Variants in ZNF518A observed in about 807,000 individuals in gnomAD.
ZNF518A encodes the protein zinc finger protein 518.
ZNF518A carries 47 observed loss-of-function variants against 102.7 expected under a neutral mutation model. The ratio of observed to expected loss-of-function variants is 0.46; its 90% CI spans 0.36 to 0.58. The LOEUF (loss-of-function observed/expected upper bound fraction) is 0.58. Ranked by LOEUF, ZNF518A falls within the 20% of genes least tolerant of loss-of-function variation. The pLI is 0.00. For missense variants in ZNF518A, 1,793 were observed against 1,699.8 expected (o/e 1.05, Z -0.96); for synonymous variants, 652 against 594.6 (o/e 1.10, Z -1.40).
downstream of ZNF518A, chr10:96,204,757 T>C: frequency 1.4e-6 from 1 of 735,812 alleles, no homozygotes. Context: ...ATGTCATGGA[T>C]CTGTGCACTT....
intron 2 of ZNF518A, among the ~76,000 whole-genome samples, chr10:96,133,189 A>T (rs1217973023): frequency 1.3e-5 from 2 of 152,156 alleles, no homozygotes; most frequent in African/African-American, 4.8e-5. Flanking sequence ...AGTGGCATTA[A>T]AGTCTTCTGG....
intron 3 of ZNF518A, among the ~76,000 whole-genome samples, chr10:96,150,168 CA>C (rs60041911): frequency 0.29 from 38,545 of 132,562 alleles, 6,211 homozygotes; most frequent in East Asian, 0.52. Flanking sequence ...ACTAAAAATA[CA>C]AAAAAAAAAA....
chr10:96,131,548 G>T (rs374547265), intron 1 of ZNF518A, among the ~76,000 whole-genome samples: 11 of 152,138 alleles, frequency 7.2e-5, no homozygotes, highest in East Asian at 5.8e-4. Flanking sequence ...CTGTAAATTA[G>T]ATCATCCCTA....
At chr10:96,145,976 G>C (rs1344006626) in intron 3 of ZNF518A, among the ~76,000 whole-genome samples, 1 of 152,296 alleles carries the variant, frequency 6.6e-6, no homozygotes, top group East Asian at 1.9e-4. Flanking sequence ...AGAGTAACCA[G>C]TGATCACTAG....
chr10:96,165,003 G>C (rs1260514220), downstream of ZNF518A, among the ~76,000 whole-genome samples: 1 of 152,192 alleles, frequency 6.6e-6, no homozygotes, highest in Non-Finnish European at 1.5e-5. Flanking sequence ...TTGGGAGAGA[G>C]ACCAAAATAC....
chr10:96,180,470 T>C lies in ZNF518A; in HGVS notation n.36-23104T>C, dbSNP rs587614086. On this transcript the variant is annotated intron_variant and non_coding_transcript_variant, in intron 1 of 2. Coordinates refer to the ZNF518A transcript ENST00000442635. ...ATTAACTCGTAATTTACATTAGGTA[T>C]TTCTCCTAATGCTATCCCTCCCTCC... Among the ~76,000 whole-genome samples the C allele has an allele frequency of 3.5e-4, 53 of 152,216 alleles. 1 individual carries two copies. Among genetic ancestry groups the C allele is most frequent in the African/African-American group, 1.2e-3 (51 of 41,520 alleles).
At chr10:96,178,300 A>G (rs2083217823) in intron 1 of ZNF518A, among the ~76,000 whole-genome samples, 1 of 152,102 alleles carries the variant, frequency 6.6e-6, no homozygotes, top group Non-Finnish European at 1.5e-5. Context: ...TCTCAGAACA[A>G]TCCTTGGAAA....
chr10:96,145,231 G>A (rs913657227), intron 3 of ZNF518A, among the ~76,000 whole-genome samples: 2 of 151,996 alleles, frequency 1.3e-5, no homozygotes, highest in African/African-American at 2.4e-5. Context: ...TACCACACCC[G>A]GCTGATTTTT....
rs782534895 is a variant in ZNF518A, at chr10:96,158,011, A to G, written c.1689A>G (p.Ser563=). Residue 563 remains serine, a synonymous_variant, in exon 6 of 6, where the codon TCA becomes TCG. Transcript: ENST00000316045. Reference sequence around the variant, plus strand: ...CAACATCAGAATTGGTTACAGCATCAGTGAATTTGACCACAAAATTTGAAA... The same window carrying G: ...CAACATCAGAATTGGTTACAGCATCGGTGAATTTGACCACAAAATTTGAAA... The part of the protein sequence containing the change: ...LSATSELVTA[S]VNLTTKFETR... 1.9e-6 allele frequency: 3 copies of G among 1,613,852 alleles called. No homozygotes were observed. The highest frequency in any genetic ancestry group is 2.5e-6 in the Non-Finnish European group (3 of 1,179,804).
At chr10:96,194,768 A>AT (rs71034364) in intron 1 of ZNF518A, among the ~76,000 whole-genome samples, 4,502 of 110,184 alleles carry the variant, frequency 0.041, 248 homozygotes, top group African/African-American at 0.092. Context: ...AGAAATGCAA[A>AT]TTTTTTTTTT....
rs587642529 is a variant in ZNF518A at position 96,154,587 on chromosome 10, T to C, written c.-301-739T>C. ...GACAAGTGCTCTGCTTGGCTAGTCATTCTGAAATCATCTGTAAGCCCCATC... is the reference window on the plus strand; with the variant it reads ...GACAAGTGCTCTGCTTGGCTAGTCACTCTGAAATCATCTGTAAGCCCCATC... On this transcript the variant is annotated intron_variant, in intron 3 of 5. Coordinates refer to ENST00000316045, the MANE Select transcript of ZNF518A (RefSeq NM_001330736.2). 6.6e-5 allele frequency among the ~76,000 whole-genome samples: 10 copies of C among 152,308 alleles called. No homozygotes were observed. In the East Asian group the frequency reaches 1.7e-3, roughly 26 times the overall value.
At chr10:96,174,652 G>T (rs2083192678) in intron 1 of ZNF518A, among the ~76,000 whole-genome samples, 1 of 152,082 alleles carries the variant, frequency 6.6e-6, no homozygotes, top group African/African-American at 2.4e-5. Context: ...GACGAGTAAG[G>T]TATTGAAATG....
chr10:96,191,268 A>C (rs1257860504), intron 1 of ZNF518A, among the ~76,000 whole-genome samples: 1 of 133,966 alleles, frequency 7.5e-6, no homozygotes, highest in Non-Finnish European at 1.6e-5. Context: ...TAAATCACCC[A>C]GTCTTGAGTA....
chr10:96,180,204 T>TTTA, intron 1 of ZNF518A, among the ~76,000 whole-genome samples: 1 of 132,122 alleles, frequency 7.6e-6, no homozygotes. Context: ...TTTTTTTTTT[T>TTTA]AATAGAGATG....
At chr10:96,149,587 CA>C (rs782751607) in intron 3 of ZNF518A, among the ~76,000 whole-genome samples, 6 of 152,236 alleles carry the variant, frequency 3.9e-5, no homozygotes, top group Non-Finnish European at 7.3e-5. Flanking sequence ...CTTCCTCCCA[CA>C]AGCTGGCAGT....
downstream of ZNF518A, among the ~76,000 whole-genome samples, chr10:96,167,247 G>C (rs2083146971): frequency 6.6e-6 from 1 of 152,124 alleles, no homozygotes. Context: ...GATCACTTGA[G>C]GCCAGGAGTT....
intron 1 of ZNF518A, chr10:96,189,739 T>G: frequency 1.4e-6 from 1 of 731,622 alleles, no homozygotes; most frequent in Non-Finnish European, 2.5e-6. Flanking sequence ...ATCATCTTCA[T>G]CAGCAGCAAG....
In ZNF518A at chr10:96,161,764, T is replaced by C. The variant is rs2083009355; in HGVS notation, c.*990T>C. On this transcript the variant is annotated 3_prime_UTR_variant, in exon 6 of 6. Coordinates refer to ENST00000316045, the MANE Select transcript of ZNF518A (RefSeq NM_001330736.2). Reference sequence around the variant, plus strand: ...CATATTTTTGTCTGTATTCACTTTATTATTTGAACATGTCCAAATTAGGAC... The same window carrying C: ...CATATTTTTGTCTGTATTCACTTTACTATTTGAACATGTCCAAATTAGGAC... The C allele has an allele frequency of 6.0e-6, 1 of 167,018 alleles. No homozygotes were observed. The allele number at this position is 167,018 out of a possible 1,614,324, so 10.3% of individuals were successfully genotyped here.
chr10:96,178,305 T>C (rs2083217862), intron 1 of ZNF518A, among the ~76,000 whole-genome samples: 1 of 152,096 alleles, frequency 6.6e-6, no homozygotes, highest in African/African-American at 2.4e-5. Flanking sequence ...GAACAATCCT[T>C]GGAAAATTCC....
Sources: gnomAD v4.1 joint callset for allele counts (sites outside exome capture counted in the v4.1 genomes callset) on GRCh38, gnomAD v4.1.1 for gene constraint, MANE v1.5 for transcripts, NCBI Gene and HGNC (gene_info 2026-07-23, HGNC 2026-07-21) for gene names.